Variants in FAM117B observed in about 807,000 individuals in gnomAD.
FAM117B encodes protein FAM117B.
Under a neutral mutation model 52.8 loss-of-function variants are expected in FAM117B, and 22 were observed. That is an observed-to-expected ratio of 0.42 (90% confidence interval 0.30 to 0.59). FAM117B has a LOEUF of 0.59. FAM117B is among the 20% of genes least tolerant of loss of function. FAM117B has a pLI of 0.22. For missense variants in FAM117B, 678 were observed against 802.6 expected, an observed-to-expected ratio of 0.84 and a Z score of 1.88; for synonymous variants, 309 against 324.1, an observed-to-expected ratio of 0.95 and a Z score of 0.50.
chr2:202,713,304 A>G (rs568456587), intron 2 of FAM117B, among the ~76,000 whole-genome samples: 1 of 152,278 alleles, frequency 6.6e-6, no homozygotes, highest in South Asian at 2.1e-4. Flanking sequence ...AGATTTTACA[A>G]CGTATTGGCA....
At chr2:202,714,682 T>A (rs921215927) in intron 2 of FAM117B, among the ~76,000 whole-genome samples, 4 of 151,826 alleles carry the variant, frequency 2.6e-5, no homozygotes, top group Non-Finnish European at 5.9e-5. Flanking sequence ...CCTGCGGCCT[T>A]CCGCAGTGTT....
chr2:202,680,477 A>G (rs1001480646), intron 1 of FAM117B, among the ~76,000 whole-genome samples: 2 of 152,178 alleles, frequency 1.3e-5, no homozygotes, highest in Admixed American at 6.5e-5. Flanking sequence ...AAAAACTACA[A>G]TCATGCAGCT....
chr2:202,722,246 G>T (rs910971789), intron 2 of FAM117B, among the ~76,000 whole-genome samples: 1 of 151,776 alleles, frequency 6.6e-6, no homozygotes, highest in Non-Finnish European at 1.5e-5. Flanking sequence ...TTCTGACTTC[G>T]TGATCCACCC....
intron 1 of FAM117B, among the ~76,000 whole-genome samples, chr2:202,667,947 G>A (rs960470233): frequency 7.9e-5 from 12 of 151,610 alleles, no homozygotes; most frequent in African/African-American, 2.7e-4. Context: ...CTGTTCCCAG[G>A]CATGGTGGCT....
chr2:202,705,747 A>G (rs1690861545), intron 2 of FAM117B, among the ~76,000 whole-genome samples: 1 of 152,208 alleles, frequency 6.6e-6, no homozygotes, highest in African/African-American at 2.4e-5. Flanking sequence ...TTCCAGCATT[A>G]GCTACCTATG....
chr2:202,683,319 ACT>A (rs1189974907), intron 1 of FAM117B, among the ~76,000 whole-genome samples: 1 of 151,904 alleles, frequency 6.6e-6, no homozygotes, highest in Admixed American at 6.6e-5. Context: ...ACAGGGTGAG[ACT>A]CTGTCTCAAA....
At chr2:202,759,189 T>C (rs1298384372) in intron 6 of FAM117B, 44 bp from the exon 7 acceptor site, 2 of 1,607,320 alleles carry the variant, frequency 1.2e-6, no homozygotes, top group Non-Finnish European at 1.7e-6. Flanking sequence ...AAATATAGTA[T>C]GACTATACAT....
At chr2:202,687,641 C>T (rs1458719840) in intron 1 of FAM117B, among the ~76,000 whole-genome samples, 1 of 152,124 alleles carries the variant, frequency 6.6e-6, no homozygotes, top group Non-Finnish European at 1.5e-5. Context: ...AAACTCCTAG[C>T]CACAAGTGAT....
Position 202,635,498 on chromosome 2 carries a change from G to C in FAM117B, c.311G>C (p.Arg104Pro). The change falls in exon 1 of 8, where the codon CGC becomes CCC. Residue 104 changes from arginine (R) to proline (P), a missense_variant. Arg to Pro is a moderately radical substitution (Grantham distance 103). Around this residue, in one of 3 missense-constraint regions of FAM117B, gnomAD observed 583 missense variants for 644.8 expected, o/e 0.90. Coordinates refer to ENST00000392238, the MANE Select transcript of FAM117B (RefSeq NM_173511.4). ...PTRGGGNAAA[R>P]TSPTVATQTG... ...CGCGGCGGCGGGAACGCGGCCGCGC[G>C]CACCAGCCCCACGGTGGCCACGCAG... 6.6e-6 allele frequency: 7 copies of C among 1,053,592 alleles called. No homozygotes were observed. The highest frequency in any genetic ancestry group is 8.0e-6 in the Non-Finnish European group (7 of 877,166). 65.3% of individuals were successfully genotyped at this position (1,053,592 alleles called of 1,614,324 possible). A position where few individuals can be genotyped will look rare whatever the true frequency, so the allele number is the denominator to read the frequency against.
intron 2 of FAM117B, among the ~76,000 whole-genome samples, chr2:202,708,508 A>G (rs1260445482): frequency 2.0e-5 from 3 of 152,216 alleles, no homozygotes; most frequent in Non-Finnish European, 4.4e-5. Context: ...TGCTATTGTG[A>G]ATAGCGCCGC....
chr2:202,668,172 CATATT>C (rs1296376116), intron 1 of FAM117B, among the ~76,000 whole-genome samples: 11,151 of 140,456 alleles, frequency 0.079, 1,437 homozygotes, highest in African/African-American at 0.27. Context: ...ATAATACATA[CATATT>C]ATATTATATA....
chr2:202,756,190 G>A (rs765515608), intron 5 of FAM117B, among the ~76,000 whole-genome samples: 2 of 152,162 alleles, frequency 1.3e-5, no homozygotes, highest in Non-Finnish European at 2.9e-5. Flanking sequence ...GCCAAGGTGG[G>A]CGGATCACCT....
intron 7 of FAM117B, among the ~76,000 whole-genome samples, chr2:202,760,147 G>C (rs1691863720): frequency 6.6e-6 from 1 of 152,226 alleles, no homozygotes; most frequent in African/African-American, 2.4e-5. Flanking sequence ...GATTATCTTA[G>C]AAAGTTGACA....
intron 7 of FAM117B, among the ~76,000 whole-genome samples, chr2:202,761,002 G>A (rs958429137): frequency 1.3e-5 from 2 of 152,100 alleles, no homozygotes; most frequent in Admixed American, 1.3e-4. Flanking sequence ...TGACCTCCCC[G>A]GGCTCAGGCA....
intron 2 of FAM117B, among the ~76,000 whole-genome samples, chr2:202,719,331 T>C (rs1460011035): frequency 6.6e-6 from 1 of 152,224 alleles, no homozygotes; most frequent in Non-Finnish European, 1.5e-5. Flanking sequence ...TCTTAATAAA[T>C]CTATGGGAAT....
At chr2:202,702,837 G>A (rs1574562168) in intron 2 of FAM117B, among the ~76,000 whole-genome samples, 1 of 152,188 alleles carries the variant, frequency 6.6e-6, no homozygotes, top group East Asian at 1.9e-4. Flanking sequence ...ACAGGTGTGA[G>A]CCACTGCGCC....
chr2:202,682,970 G>A (rs141518718), intron 1 of FAM117B, among the ~76,000 whole-genome samples: 35 of 152,274 alleles, frequency 2.3e-4, no homozygotes, highest in African/African-American at 8.2e-4. Flanking sequence ...TCTAGAAAGA[G>A]AACTAATTAA....
At chr2:202,704,082 C>G (rs189154689) in intron 2 of FAM117B, among the ~76,000 whole-genome samples, 6 of 152,314 alleles carry the variant, frequency 3.9e-5, no homozygotes, top group Non-Finnish European at 7.3e-5. Context: ...CATGTGCTTA[C>G]TGGCCATTTG....
Position 202,651,313 on chromosome 2 carries a change from C to T in FAM117B, c.601+15525C>T, listed in dbSNP as rs1172500319. Reference sequence around the variant, plus strand: ...CTGATTGCAGGTGATCTGCCTATCTCAGCCTCCCAAAGTGCTGGATCACAG... The same window carrying T: ...CTGATTGCAGGTGATCTGCCTATCTTAGCCTCCCAAAGTGCTGGATCACAG... On this transcript the variant is annotated intron_variant, in intron 1 of 7. Transcript: ENST00000392238. Among the ~76,000 whole-genome samples the T allele has an allele frequency of 4.0e-5, 6 of 151,400 alleles. No homozygotes were observed. In the East Asian group the frequency reaches 5.9e-4, roughly 15 times the overall value.
Sources: gnomAD v4.1 joint callset for allele counts (sites outside exome capture counted in the v4.1 genomes callset) on GRCh38, gnomAD v4.1.1 for gene constraint, gnomAD v4.1.1 regional missense constraint, MANE v1.5 for transcripts, NCBI Gene and HGNC (gene_info 2026-07-23, HGNC 2026-07-21) for gene names.